Variants in DAB1 observed in about 807,000 individuals in gnomAD.
The protein encoded by DAB1 is DAB adaptor protein 1.
Under a neutral mutation model 64.6 loss-of-function variants are expected in DAB1, and 15 were observed. That is an observed-to-expected ratio of 0.23 (90% CI 0.16 to 0.36). The LOEUF is 0.36. Ranked by LOEUF, DAB1 falls within the 10% of genes least tolerant of loss-of-function variation. The pLI, the probability that DAB1 is intolerant of heterozygous loss-of-function variation, is 1.00. For synonymous variants in DAB1, 235 were observed against 251.9 expected (o/e 0.93, Z 0.64); for missense variants, 596 against 706.7 (o/e 0.84, Z 1.78).
At chr1:57,166,681 G>A (rs145493660) in intron 2 of DAB1, among the ~76,000 whole-genome samples, 52 of 152,298 alleles carry the variant, frequency 3.4e-4, no homozygotes, top group African/African-American at 1.1e-3. Context: ...AGTGTGAGGA[G>A]ATGAGAGGAC....
intron 5 of DAB1, among the ~76,000 whole-genome samples, chr1:57,970,988 T>C (rs1318795280): frequency 1.3e-5 from 2 of 152,286 alleles, no homozygotes; most frequent in East Asian, 3.9e-4. Flanking sequence ...TACCATTTAT[T>C]GTAGTGGTTT....
intron 5 of DAB1, among the ~76,000 whole-genome samples, chr1:58,024,117 A>G (rs972570626): frequency 1.3e-5 from 2 of 152,322 alleles, no homozygotes; most frequent in East Asian, 1.9e-4. Flanking sequence ...GTACAAACAT[A>G]GCTCTTGATT....
chr1:58,095,124 C>G (rs1343601234), intron 5 of DAB1, among the ~76,000 whole-genome samples: 1 of 152,178 alleles, frequency 6.6e-6, no homozygotes, highest in Non-Finnish European at 1.5e-5. Context: ...TGTAAGTTGT[C>G]TCAGGACATG....
chr1:57,501,609 G>T (rs562763874), intron 7 of DAB1, among the ~76,000 whole-genome samples: 1 of 152,236 alleles, frequency 6.6e-6, no homozygotes, highest in East Asian at 1.9e-4. Context: ...CTATATTCAC[G>T]CAACAAATTA....
rs1984267 is a variant in DAB1 at position 57,008,087 on chromosome 1, C to T, written c.*15+2593G>A. Among the ~76,000 whole-genome samples the T allele has an allele frequency of 1.8e-3, 267 of 152,294 alleles. 2 individuals carry two copies. Among genetic ancestry groups the T allele is most frequent in the African/African-American group, 6.0e-3 (250 of 41,568 alleles). ...AGCTTTCAAAGGGAGAAAATTACTT[C>T]ACCGAAGATTACAGTCCAGCCCTCC... On this transcript the variant is annotated intron_variant, in intron 14 of 14. Coordinates refer to ENST00000371236, the MANE Select transcript of DAB1 (RefSeq NM_001365792.1).
chr1:58,213,188 G>C (rs781345198), intron 4 of DAB1, among the ~76,000 whole-genome samples: 4 of 152,178 alleles, frequency 2.6e-5, no homozygotes, highest in Non-Finnish European at 5.9e-5. Flanking sequence ...GAGTTATATG[G>C]CTTCAGGCAA....
chr1:58,274,654 C>T (rs1188246556), intron 4 of DAB1, among the ~76,000 whole-genome samples: 2 of 152,118 alleles, frequency 1.3e-5, no homozygotes, highest in African/African-American at 2.4e-5. Context: ...TAGCAGTCAG[C>T]GAGATTCCGT....
At chr1:57,106,296 G>A (rs1570702485) in intron 4 of DAB1, among the ~76,000 whole-genome samples, 1 of 141,996 alleles carries the variant, frequency 7.0e-6, no homozygotes, top group South Asian at 2.4e-4. Context: ...TGAATGTTTG[G>A]GGGGAATTTT....
intron 1 of DAB1, among the ~76,000 whole-genome samples, chr1:57,855,695 A>G (rs1474344265): frequency 1.3e-5 from 2 of 152,172 alleles, no homozygotes; most frequent in African/African-American, 4.8e-5. Context: ...CTCAGAGTGA[A>G]CAAGAAGAAA....
intron 6 of DAB1, among the ~76,000 whole-genome samples, chr1:57,760,637 C>G (rs1056273848): frequency 1.5e-5 from 2 of 137,366 alleles, no homozygotes; most frequent in African/African-American, 5.2e-5. Context: ...CACACACACA[C>G]ACACAGACAC....
intron 2 of DAB1, among the ~76,000 whole-genome samples, chr1:57,185,810 G>C (rs1663492180): frequency 1.3e-5 from 2 of 152,134 alleles, no homozygotes; most frequent in South Asian, 4.1e-4. Context: ...CTGACAGCTA[G>C]GAAGTACCAG....
intron 7 of DAB1, among the ~76,000 whole-genome samples, chr1:57,495,209 C>T (rs914203885): frequency 6.6e-6 from 1 of 152,160 alleles, no homozygotes; most frequent in Admixed American, 6.5e-5. Flanking sequence ...CAACATCTCA[C>T]TTAGCCTAAG....
At chr1:57,459,849 G>A (rs989896793) in intron 7 of DAB1, among the ~76,000 whole-genome samples, 1 of 152,150 alleles carries the variant, frequency 6.6e-6, no homozygotes, top group Non-Finnish European at 1.5e-5. Context: ...AACTATTTTA[G>A]TTTAAGGCAT....
chr1:57,960,479 G>A (rs1227914748), intron 5 of DAB1, among the ~76,000 whole-genome samples: 3 of 140,786 alleles, frequency 2.1e-5, no homozygotes, highest in Non-Finnish European at 3.1e-5. Context: ...CATTAGTCCA[G>A]TAAGGAACCA....
chr1:57,853,222 A>C (rs1269517502), intron 1 of DAB1, among the ~76,000 whole-genome samples: 1 of 151,608 alleles, frequency 6.6e-6, no homozygotes, highest in Non-Finnish European at 1.5e-5. Context: ...ATCAAAATAC[A>C]TAAGAAAGGG....
chr1:57,337,218 G>T (rs1006790762), intron 1 of DAB1, among the ~76,000 whole-genome samples: 1 of 152,072 alleles, frequency 6.6e-6, no homozygotes, highest in Non-Finnish European at 1.5e-5. Context: ...GCTCCTGCTC[G>T]AACTTTCCTA....
At chr1:57,482,244 A>G (rs1644030665) in intron 7 of DAB1, among the ~76,000 whole-genome samples, 1 of 152,158 alleles carries the variant, frequency 6.6e-6, no homozygotes. Context: ...AAACATTTAT[A>G]TGGACCAAGT....
At chr1:57,404,005 G>A (rs2101038461) in intron 1 of DAB1, among the ~76,000 whole-genome samples, 1 of 152,212 alleles carries the variant, frequency 6.6e-6, no homozygotes, top group South Asian at 2.1e-4. Context: ...GATGGAGGGT[G>A]TAGTCACCAC....
At chr1:57,268,561 G>C (rs916077843) in intron 2 of DAB1, among the ~76,000 whole-genome samples, 13 of 152,050 alleles carry the variant, frequency 8.5e-5, no homozygotes, top group African/African-American at 3.1e-4. Flanking sequence ...TGACATCCTG[G>C]TAGGAGGTGA....
Sources: allele counts gnomAD v4.1 joint callset (sites outside exome capture counted in the v4.1 genomes callset), GRCh38; gene constraint gnomAD v4.1.1; transcripts MANE v1.5; gene names NCBI Gene and HGNC (gene_info 2026-07-23, HGNC 2026-07-21).